CUEDC1: variants seen among roughly 807,000 people sequenced by gnomAD.
The protein encoded by CUEDC1 is CUE domain-containing protein 1.
Under a neutral mutation model 43.7 loss-of-function variants are expected in CUEDC1, and 30 were observed. The ratio of observed to expected loss-of-function variants is 0.69; its 90% confidence interval spans 0.51 to 0.93. The LOEUF (loss-of-function observed/expected upper bound fraction) is 0.93, where lower values mean the gene tolerates loss of function less well. Ranked by LOEUF, CUEDC1 falls within the 40% of genes least tolerant of loss-of-function variation. The pLI is 0.00. For missense variants in CUEDC1, 486 were observed against 549.0 expected (o/e 0.89, Z 1.15); for synonymous variants, 223 against 223.6 (o/e 1.00, Z 0.02).
chr17:57,877,370 C>G (rs2074140354), intron 3 of CUEDC1, among the ~76,000 whole-genome samples: 1 of 152,140 alleles, frequency 6.6e-6, no homozygotes, highest in Admixed American at 6.5e-5. Context: ...ACGGTATGCC[C>G]TGTAGTCCCA....
At chr17:57,934,937 A>G (rs570535482) in intron 1 of CUEDC1, among the ~76,000 whole-genome samples, 10 of 151,998 alleles carry the variant, frequency 6.6e-5, no homozygotes, top group Admixed American at 3.3e-4. Flanking sequence ...CGAACTCCTG[A>G]GCTCAGGTGA....
At chr17:57,876,844 C>T (rs137922692) in intron 3 of CUEDC1, among the ~76,000 whole-genome samples, 1 of 152,326 alleles carries the variant, frequency 6.6e-6, no homozygotes, top group Non-Finnish European at 1.5e-5. Context: ...AGCAGTAAAC[C>T]ACTGATTATA....
chr17:57,906,679 C>T (rs1026524643), intron 1 of CUEDC1, among the ~76,000 whole-genome samples: 1 of 152,250 alleles, frequency 6.6e-6, no homozygotes, highest in South Asian at 2.1e-4. Context: ...GTAGAAGACA[C>T]CATGAGTCAG....
chr17:57,932,382 G>A (rs945392032), intron 1 of CUEDC1, among the ~76,000 whole-genome samples: 9 of 151,220 alleles, frequency 6.0e-5, no homozygotes, highest in African/African-American at 1.7e-4. Flanking sequence ...TCAGGAGATC[G>A]AGACCATCCT....
intron 1 of CUEDC1, among the ~76,000 whole-genome samples, chr17:57,946,637 T>C (rs999767327): frequency 8.5e-5 from 13 of 152,184 alleles, no homozygotes; most frequent in Admixed American, 7.9e-4. Flanking sequence ...AAGATGTATG[T>C]TGACTCTGTG....
rs1226015491 is a variant in CUEDC1 at position 57,954,252 on chromosome 17, C to CCTGCGGATCA, written c.-316+972_-316+973insTGATCCGCAG. Among the ~76,000 whole-genome samples, 1 of 152,126 alleles carries CCTGCGGATCA rather than the reference C, an allele frequency of 6.6e-6. No individual in the cohort carries two copies. The highest frequency in any genetic ancestry group is 1.5e-5 in the Non-Finnish European group (1 of 68,038). On this transcript the variant is annotated intron_variant, in intron 1 of 10. Transcript: ENST00000577830. The surrounding 1 kb of genome is among the most constrained non-coding windows in gnomAD (Gnocchi z 4.3). ...CTGACTGCGGATCAGGTGGGGAGCACGGTGGATGGTCTTCTTGTATCCTCT... is the reference window on the plus strand; with the variant it reads ...CTGACTGCGGATCAGGTGGGGAGCACCTGCGGATCAGGTGGATGGTCTTCTTGTATCCTCT...
chr17:57,909,585 G>A (rs1054494126), intron 1 of CUEDC1, among the ~76,000 whole-genome samples: 1 of 152,196 alleles, frequency 6.6e-6, no homozygotes, highest in African/African-American at 2.4e-5. Flanking sequence ...AGATCAAAGC[G>A]TTGGCTGTTT....
intron 1 of CUEDC1, among the ~76,000 whole-genome samples, chr17:57,898,180 C>T (rs1022366521): frequency 9.9e-5 from 15 of 152,206 alleles, no homozygotes; most frequent in African/African-American, 3.4e-4. Flanking sequence ...CACCCTCCAA[C>T]CTTGGTCAGG....
At chr17:57,909,584 C>T (rs920999820) in intron 1 of CUEDC1, among the ~76,000 whole-genome samples, 14 of 152,196 alleles carry the variant, frequency 9.2e-5, no homozygotes, top group African/African-American at 3.1e-4. Flanking sequence ...AAGATCAAAG[C>T]GTTGGCTGTT....
chr17:57,911,694 G>T (rs2074584959), intron 1 of CUEDC1, among the ~76,000 whole-genome samples: 1 of 152,090 alleles, frequency 6.6e-6, no homozygotes, highest in Admixed American at 6.6e-5. Context: ...GTAGAGATGG[G>T]ATTTCACCAT....
At chr17:57,908,575 A>G (rs2074551777) in intron 1 of CUEDC1, among the ~76,000 whole-genome samples, 1 of 152,230 alleles carries the variant, frequency 6.6e-6, no homozygotes, top group Admixed American at 6.5e-5. Flanking sequence ...AACGATATTT[A>G]AAGAGTAGAT....
intron 1 of CUEDC1, chr17:57,903,188 A>T (rs2074492643): frequency 6.6e-6 from 1 of 152,484 alleles, no homozygotes; most frequent in South Asian, 2.1e-4. Context: ...CTCAGCTCTG[A>T]GCTGGGCAGG....
intron 1 of CUEDC1, among the ~76,000 whole-genome samples, chr17:57,945,687 A>G (rs73315819): frequency 0.16 from 24,084 of 152,168 alleles, 2,053 homozygotes; most frequent in African/African-American, 0.18. Flanking sequence ...ACATTGTGCT[A>G]GGGGCTTAAT....
intron 1 of CUEDC1, among the ~76,000 whole-genome samples, chr17:57,941,332 G>A (rs1391776416): frequency 4.6e-5 from 7 of 152,222 alleles, no homozygotes; most frequent in Admixed American, 6.5e-5. Context: ...ACTGGTGTCT[G>A]GGTATAGTCT....
At chr17:57,937,752 T>C (rs964341905) in intron 1 of CUEDC1, among the ~76,000 whole-genome samples, 2 of 151,756 alleles carry the variant, frequency 1.3e-5, no homozygotes, top group African/African-American at 4.8e-5. Flanking sequence ...AAATAATTTT[T>C]AAAATTAGTC....
At chr17:57,949,027 A>G (rs866680699) in intron 1 of CUEDC1, among the ~76,000 whole-genome samples, 6 of 152,320 alleles carry the variant, frequency 3.9e-5, no homozygotes, top group Middle Eastern at 6.8e-3. Flanking sequence ...TACAGAATCC[A>G]GAAAACCTGA....
At chr17:57,935,642 T>A (rs773493276) in intron 1 of CUEDC1, among the ~76,000 whole-genome samples, 5 of 151,992 alleles carry the variant, frequency 3.3e-5, no homozygotes, top group African/African-American at 4.8e-5. Context: ...ACTGAAAGGC[T>A]TCCACAGGGA....
intron 1 of CUEDC1, among the ~76,000 whole-genome samples, chr17:57,914,033 C>T (rs1352147234): frequency 3.3e-5 from 5 of 152,208 alleles, no homozygotes; most frequent in African/African-American, 7.2e-5. Context: ...CATGTTCTCA[C>T]GATTGCCACT....
chr17:57,882,797 G>T (rs1351329429), intron 2 of CUEDC1, among the ~76,000 whole-genome samples: 1 of 151,972 alleles, frequency 6.6e-6, no homozygotes, highest in Admixed American at 6.6e-5. Context: ...ACATTTTCTT[G>T]TCTCTAGCTT....
Sources: gnomAD v4.1 joint callset for allele counts (sites outside exome capture counted in the v4.1 genomes callset) on GRCh38, gnomAD v4.1.1 for gene constraint, Gnocchi (gnomAD v3.1) non-coding constraint, MANE v1.5 for transcripts, NCBI Gene and HGNC (gene_info 2026-07-23, HGNC 2026-07-21) for gene names.